IMMP2L: variants seen among roughly 807,000 people sequenced by gnomAD.
IMMP2L encodes mitochondrial inner membrane protease subunit 2.
IMMP2L carries 18 observed loss-of-function variants against 19.3 expected under a neutral mutation model. The ratio of observed to expected loss-of-function variants is 0.93; its 90% CI spans 0.64 to 1.38. The LOEUF is 1.38. Ranked by LOEUF, IMMP2L falls within the 40% of genes most tolerant of loss-of-function variation. IMMP2L has a pLI of 0.00. For missense variants in IMMP2L, 233 were observed against 218.2 expected (o/e 1.07, Z -0.43); for synonymous variants, 76 against 73.0 (o/e 1.04, Z -0.21).
At chr7:111,432,762 C>G (rs1836759263) in intron 3 of IMMP2L, among the ~76,000 whole-genome samples, 1 of 151,152 alleles carries the variant, frequency 6.6e-6, no homozygotes, top group African/African-American at 2.4e-5. Context: ...AATTGGATGC[C>G]TCTTCACTGA....
At chr7:110,933,929 G>C (rs754602145) in intron 4 of IMMP2L, among the ~76,000 whole-genome samples, 5 of 152,180 alleles carry the variant, frequency 3.3e-5, no homozygotes, top group Non-Finnish European at 7.3e-5. Context: ...TAATTGTGAT[G>C]TTAGGGTGTC....
chr7:111,158,723 A>T (rs1804923411), intron 3 of IMMP2L, among the ~76,000 whole-genome samples: 1 of 152,164 alleles, frequency 6.6e-6, no homozygotes, highest in Non-Finnish European at 1.5e-5. Context: ...TGTAGATAAC[A>T]AATGGGGTTA....
At chr7:111,069,452 G>C (rs1794772212) in intron 3 of IMMP2L, among the ~76,000 whole-genome samples, 1 of 152,136 alleles carries the variant, frequency 6.6e-6, no homozygotes, top group Admixed American at 6.6e-5. Flanking sequence ...CATCAAATTA[G>C]AAACTTACAG....
chr7:110,970,212 C>G (rs1455846155), intron 3 of IMMP2L, among the ~76,000 whole-genome samples: 1 of 152,054 alleles, frequency 6.6e-6, no homozygotes, highest in Non-Finnish European at 1.5e-5. Flanking sequence ...AAACAAATGT[C>G]TTCATTTAAC....
intron 3 of IMMP2L, among the ~76,000 whole-genome samples, chr7:111,243,441 T>C (rs1815414119): frequency 6.6e-6 from 1 of 151,980 alleles, no homozygotes; most frequent in African/African-American, 2.4e-5. Context: ...GTCCTTCATG[T>C]TTTACATATA....
At chr7:111,268,577 T>C (rs1159932140) in intron 3 of IMMP2L, among the ~76,000 whole-genome samples, 3 of 25,386 alleles carry the variant, frequency 1.2e-4, no homozygotes, top group African/African-American at 4.4e-4. Context: ...CTCTTTTTTT[T>C]TTTTTTTTTT....
chr7:110,856,694 G>A (rs1348791632), intron 5 of IMMP2L, among the ~76,000 whole-genome samples: 1 of 152,058 alleles, frequency 6.6e-6, no homozygotes, highest in African/African-American at 2.4e-5. Flanking sequence ...AAAACCAATA[G>A]TTATATTTAA....
At chr7:110,857,185 T>C (rs746239504) in intron 5 of IMMP2L, among the ~76,000 whole-genome samples, 3 of 152,120 alleles carry the variant, frequency 2.0e-5, no homozygotes, top group Non-Finnish European at 4.4e-5. Context: ...ATGTTTGAAT[T>C]CATCAGTAAT....
chr7:110,675,062 A>G (rs1792198284), intron 5 of IMMP2L, among the ~76,000 whole-genome samples: 1 of 152,150 alleles, frequency 6.6e-6, no homozygotes, highest in Non-Finnish European at 1.5e-5. Flanking sequence ...AAAGATCAAT[A>G]TATTTGAGTT....
intron 5 of IMMP2L, among the ~76,000 whole-genome samples, chr7:110,849,540 T>C (rs1411439811): frequency 6.6e-6 from 1 of 152,114 alleles, no homozygotes; most frequent in African/African-American, 2.4e-5. Context: ...CACAAATCAC[T>C]AATGAACATA....
chr7:110,974,396 T>C (rs1820478127), intron 3 of IMMP2L, among the ~76,000 whole-genome samples: 1 of 152,146 alleles, frequency 6.6e-6, no homozygotes, highest in Non-Finnish European at 1.5e-5. Context: ...ACCACATGGA[T>C]AGATATTTTG....
intron 3 of IMMP2L, among the ~76,000 whole-genome samples, chr7:111,412,220 T>A (rs1834497231): frequency 6.6e-6 from 1 of 151,414 alleles, no homozygotes; most frequent in East Asian, 1.9e-4. Context: ...TAGCTGGAGA[T>A]TTCAACACTA....
chr7:111,077,030 G>A (rs1390532161), intron 3 of IMMP2L, among the ~76,000 whole-genome samples: 1 of 152,208 alleles, frequency 6.6e-6, no homozygotes, highest in South Asian at 2.1e-4. Context: ...GGTGGAATCA[G>A]GAAAATCTTA....
intron 3 of IMMP2L, among the ~76,000 whole-genome samples, chr7:111,056,516 GC>G (rs1793522012): frequency 6.6e-6 from 1 of 152,168 alleles, no homozygotes; most frequent in Non-Finnish European, 1.5e-5. Context: ...TTGAGGTAAA[GC>G]CCTTTCGTAA....
chr7:111,238,086 C>T (rs1814553213), intron 3 of IMMP2L, among the ~76,000 whole-genome samples: 1 of 152,044 alleles, frequency 6.6e-6, no homozygotes, highest in African/African-American at 2.4e-5. Context: ...ATCCTATTCT[C>T]AAACATTAAG....
Position 110,907,777 on chromosome 7 carries a change from C to A in IMMP2L, c.306-21082G>T, listed in dbSNP as rs186704571. 2.0e-5 allele frequency among the ~76,000 whole-genome samples: 3 copies of A among 152,228 alleles called. No individual in the cohort carries two copies. The East Asian group carries it at 5.8e-4, about 29-fold the overall frequency. On this transcript the variant is annotated intron_variant, in intron 4 of 5. Coordinates refer to ENST00000405709, the MANE Select transcript of IMMP2L (RefSeq NM_032549.4). ...ATTCATTTTTTGCTGTTATCATAAG[C>A]AATTTAAATGTTTTAAATGAAGGAG...
chr7:111,091,897 G>C (rs1484712070), intron 3 of IMMP2L, among the ~76,000 whole-genome samples: 1 of 151,930 alleles, frequency 6.6e-6, no homozygotes, highest in African/African-American at 2.4e-5. Flanking sequence ...GAGGAGAGGA[G>C]AGTCACGGGT....
At chr7:111,401,773 A>G (rs1341581804) in intron 3 of IMMP2L, among the ~76,000 whole-genome samples, 1 of 152,108 alleles carries the variant, frequency 6.6e-6, no homozygotes, top group Non-Finnish European at 1.5e-5. Flanking sequence ...GATGGAAGGA[A>G]TAACTTGAGA....
intron 3 of IMMP2L, among the ~76,000 whole-genome samples, chr7:111,313,365 T>A (rs1823716026): frequency 6.6e-6 from 1 of 152,118 alleles, no homozygotes; most frequent in Non-Finnish European, 1.5e-5. Context: ...AGGTTTTATA[T>A]CTTTGCAGTA....
Sources: gnomAD v4.1 joint callset for allele counts (sites outside exome capture counted in the v4.1 genomes callset) on GRCh38, gnomAD v4.1.1 for gene constraint, MANE v1.5 for transcripts, NCBI Gene and HGNC (gene_info 2026-07-23, HGNC 2026-07-21) for gene names.